The following NIM1K variants were observed in gnomAD, a reference collection of about 807,000 sequenced individuals.
NIM1K encodes the protein serine/threonine-protein kinase NIM1.
NIM1K carries 35 observed loss-of-function variants against 37.1 expected under a neutral mutation model. The ratio of observed to expected loss-of-function variants is 0.94; its 90% confidence interval spans 0.72 to 1.25. The LOEUF is 1.25. Among genes scored for constraint, NIM1K ranks in the 50% most tolerant of loss-of-function variants. The pLI, the probability that NIM1K is intolerant of heterozygous loss-of-function variation, is 0.00. For synonymous variants in NIM1K, 234 were observed against 206.6 expected, an observed-to-expected ratio of 1.13 and a Z score of -1.14; for missense variants, 564 against 548.0, an observed-to-expected ratio of 1.03 and a Z score of -0.29.
At chr5:43,279,574 A>G (rs1336317924) in intron 3 of NIM1K, among the ~76,000 whole-genome samples, 1 of 152,186 alleles carries the variant, frequency 6.6e-6, no homozygotes, top group Non-Finnish European at 1.5e-5. Context: ...CCCAAAAAGC[A>G]TGGCCGGAAA....
At chr5:43,254,998 T>C (rs749361777) in intron 2 of NIM1K, among the ~76,000 whole-genome samples, 7 of 152,224 alleles carry the variant, frequency 4.6e-5, no homozygotes, top group South Asian at 2.1e-4. Context: ...AAATAAATCA[T>C]ATATTGGAAA....
In NIM1K at chr5:43,232,096, C is replaced by T; in HGVS notation, c.-694-12986C>T. ...TCCACCAGTCACCACAGTGGGAGGG[C>T]TGGCAGTTAATGCCAACCTTGAAGC... On this transcript the variant is annotated intron_variant, in intron 1 of 3. Coordinates refer to ENST00000326035, the MANE Select transcript of NIM1K (RefSeq NM_153361.4). The T allele has an allele frequency of 9.6e-6, 10 of 1,038,000 alleles. 1 individual carries two copies. The South Asian group carries it at 1.1e-4, about 12-fold the overall frequency. 64.3% of individuals were successfully genotyped at this position (1,038,000 alleles called of 1,614,324 possible). A position where few individuals can be genotyped will look rare whatever the true frequency, so the allele number is the denominator to read the frequency against.
intron 1 of NIM1K, among the ~76,000 whole-genome samples, chr5:43,231,402 AT>A (rs1233813875): frequency 6.6e-6 from 1 of 152,170 alleles, no homozygotes; most frequent in Non-Finnish European, 1.5e-5. Context: ...CTAATGAAGA[AT>A]TTGTGGTGGT....
At chr5:43,208,842 G>C (rs1752157969) in intron 1 of NIM1K, among the ~76,000 whole-genome samples, 1 of 152,166 alleles carries the variant, frequency 6.6e-6, no homozygotes, top group South Asian at 2.1e-4. Context: ...GGTAAACACT[G>C]ACCTTTTAGT....
intron 2 of NIM1K, among the ~76,000 whole-genome samples, chr5:43,264,111 G>A (rs372388434): frequency 5.9e-5 from 9 of 152,170 alleles, no homozygotes; most frequent in African/African-American, 1.7e-4. Flanking sequence ...ATTTGGGGTC[G>A]AGAGTTCTGT....
intron 1 of NIM1K, among the ~76,000 whole-genome samples, chr5:43,208,063 C>A (rs950705228): frequency 1.3e-5 from 2 of 152,094 alleles, no homozygotes; most frequent in African/African-American, 4.8e-5. Context: ...ACTGACCCCC[C>A]CTGGAATGTG....
intron 1 of NIM1K, among the ~76,000 whole-genome samples, chr5:43,223,321 C>T (rs567149645): frequency 4.0e-4 from 61 of 152,202 alleles, no homozygotes; most frequent in Middle Eastern, 3.4e-3. Flanking sequence ...TTCTGTAAAC[C>T]TGATATATTA....
intron 1 of NIM1K, among the ~76,000 whole-genome samples, chr5:43,216,397 T>C (rs1019604363): frequency 6.6e-6 from 1 of 152,210 alleles, no homozygotes; most frequent in Non-Finnish European, 1.5e-5. Flanking sequence ...GCTGCCTTTT[T>C]TCTCTGAGAT....
chr5:43,241,777 T>C (rs917284866), intron 1 of NIM1K, among the ~76,000 whole-genome samples: 3 of 152,046 alleles, frequency 2.0e-5, no homozygotes, highest in Non-Finnish European at 4.4e-5. Context: ...TATGATACTT[T>C]TGGGCAAACA....
In NIM1K at chr5:43,280,688, A is replaced by G; in HGVS notation, c.1270A>G (p.Arg424Gly). 1 of 1,610,864 alleles carries G rather than the reference A, an allele frequency of 6.2e-7. No individual in the cohort carries two copies. Reference sequence around the variant, plus strand: ...CCTCAAAAAAGGGTCCCGTGTCTACAGAGGGATAAGACACACATCCAAATT... The same window carrying G: ...CCTCAAAAAAGGGTCCCGTGTCTACGGAGGGATAAGACACACATCCAAATT... ...RDLKKGSRVYRGIRHTSKFCS... is the reference protein window; with the variant it reads ...RDLKKGSRVYGGIRHTSKFCS... Residue 424 changes from arginine (R) to glycine (G), a missense_variant, in exon 4 of 4, where the codon AGA becomes GGA. Coordinates refer to ENST00000326035, the MANE Select transcript of NIM1K (RefSeq NM_153361.4).
chr5:43,236,814 G>A (rs546504654), intron 1 of NIM1K, among the ~76,000 whole-genome samples: 9 of 152,316 alleles, frequency 5.9e-5, no homozygotes, highest in African/African-American at 1.7e-4. Flanking sequence ...GAGTAGCCCC[G>A]CTCTGAGACC....
At chr5:43,266,679 C>A (rs978596644) in intron 2 of NIM1K, among the ~76,000 whole-genome samples, 1 of 152,236 alleles carries the variant, frequency 6.6e-6, no homozygotes, top group Non-Finnish European at 1.5e-5. Flanking sequence ...ATGCAGAAAT[C>A]ACCTGTCTTC....
intron 2 of NIM1K, among the ~76,000 whole-genome samples, chr5:43,271,962 C>T (rs1193601398): frequency 1.3e-5 from 2 of 152,158 alleles, no homozygotes; most frequent in Non-Finnish European, 2.9e-5. Flanking sequence ...ACTCACCATA[C>T]TTCTCGGGCA....
At chr5:43,269,308 C>A (rs1483605377) in intron 2 of NIM1K, among the ~76,000 whole-genome samples, 99 of 55,674 alleles carry the variant, frequency 1.8e-3, no homozygotes, top group Middle Eastern at 0.013. Flanking sequence ...GACTTCATCT[C>A]AAAAAAAAAA....
chr5:43,195,257 A>G (rs1751895280), intron 1 of NIM1K, among the ~76,000 whole-genome samples: 1 of 152,248 alleles, frequency 6.6e-6, no homozygotes, highest in Non-Finnish European at 1.5e-5. Context: ...ACCACATCAT[A>G]GTTCTTAAAT....
chr5:43,232,981 G>T, intron 1 of NIM1K: 1 of 1,146,578 alleles, frequency 8.7e-7, no homozygotes, highest in Non-Finnish European at 1.3e-6. Context: ...TAGAAACACT[G>T]CCCTGGGCAC....
chr5:43,197,922 G>A lies in NIM1K; in HGVS notation c.-695+5511G>A, dbSNP rs76742760. ...GGTAACTTGTACACTTAAACATGGA[G>A]GACGGAGCTTAAAAATAATGTTTGT... is the stretch of plus-strand genomic sequence containing the variant. On this transcript the variant is annotated intron_variant, in intron 1 of 3. Coordinates refer to ENST00000326035, the MANE Select transcript of NIM1K (RefSeq NM_153361.4). Among the ~76,000 whole-genome samples the A allele has an allele frequency of 0.018, 2,758 of 152,292 alleles. 138 individuals carry two copies. The East Asian group carries it at 0.21, about 11-fold the overall frequency.
chr5:43,196,867 A>G, intron 1 of NIM1K, among the ~76,000 whole-genome samples: 1 of 146,804 alleles, frequency 6.8e-6, no homozygotes, highest in East Asian at 2.1e-4. Context: ...TAAATTCCTG[A>G]GTTCAAGCAA....
At chr5:43,247,018 C>T (rs1474439927) in intron 2 of NIM1K, among the ~76,000 whole-genome samples, 5 of 152,264 alleles carry the variant, frequency 3.3e-5, no homozygotes, top group African/African-American at 9.6e-5. Context: ...GTCTCCAAGG[C>T]CCCTCTTTTC....
Sources: allele counts gnomAD v4.1 joint callset (sites outside exome capture counted in the v4.1 genomes callset), GRCh38; gene constraint gnomAD v4.1.1; transcripts MANE v1.5; gene names NCBI Gene and HGNC (gene_info 2026-07-23, HGNC 2026-07-21).